ORAI2: variants seen among roughly 807,000 people sequenced by gnomAD.
ORAI2 encodes the protein protein orai-2.
A neutral mutation model predicts 16.2 loss-of-function variants in ORAI2; 10 were observed. The observed-to-expected ratio is 0.62, with a 90% CI of 0.38 to 1.04. ORAI2 has a LOEUF of 1.04. Ranked by LOEUF, ORAI2 falls within the 50% of genes least tolerant of loss-of-function variation. ORAI2 has a pLI of 0.01. For synonymous variants in ORAI2, 150 were observed against 157.5 expected (o/e 0.95, Z 0.35); for missense variants, 238 against 355.5 (o/e 0.67, Z 2.66).
chr7:102,453,930 T>C lies in ORAI2; in HGVS notation c.*6878T>C, dbSNP rs1190987707. ...TTTTAGTAGAGACGGGGTTTTGCCA[T>C]GTTGGCCAGGCTGGTCTTGAACTCC... On this transcript the variant is annotated 3_prime_UTR_variant, in exon 4 of 4. Coordinates refer to ENST00000495936, the MANE Select transcript of ORAI2 (RefSeq NM_001126340.3). 6.6e-6 allele frequency: 1 copy of C among 152,004 alleles called. No individual in the cohort carries two copies. The highest frequency in any genetic ancestry group is 2.1e-4 in the South Asian group (1 of 4,818). The allele number at this position is 152,004 out of a possible 1,614,324, so 9.4% of individuals were successfully genotyped here. A position where few individuals can be genotyped will look rare whatever the true frequency, so the allele number is the denominator to read the frequency against.
intron 3 of ORAI2, among the ~76,000 whole-genome samples, chr7:102,444,496 GCC>G (rs546615558): frequency 5.4e-5 from 3 of 55,764 alleles, no homozygotes; most frequent in Admixed American, 1.8e-4. Context: ...CAAGTGATCC[GCC>G]CCCCCCCGCC....
At chr7:102,440,641 C>A (rs971361410) in intron 3 of ORAI2, among the ~76,000 whole-genome samples, 3 of 150,884 alleles carry the variant, frequency 2.0e-5, no homozygotes, top group South Asian at 2.1e-4. Flanking sequence ...CTCAAGCCAT[C>A]CTCCTGCCTC....
At chr7:102,435,302 C>T (rs967342449) in intron 1 of ORAI2, among the ~76,000 whole-genome samples, 4 of 152,186 alleles carry the variant, frequency 2.6e-5, no homozygotes, top group African/African-American at 9.7e-5. Context: ...CAGCGTCTTA[C>T]TCTGTTGCCT....
At position 102,452,164 on chromosome 7, in the gene ORAI2, T is replaced by A. The variant is rs1335222173; in HGVS notation, c.*5112T>A. ...TTTTTTTTTTTTGAGACAGAGTCGC[T>A]CTGTCACCCAAGCTGGAATGCGGTG... is the stretch of plus-strand genomic sequence containing the variant. On this transcript the variant is annotated 3_prime_UTR_variant, in exon 4 of 4. Transcript: ENST00000495936. The A allele has an allele frequency of 1.3e-5, 2 of 150,862 alleles. No individual in the cohort carries two copies. The highest frequency in any genetic ancestry group is 4.9e-5 in the African/African-American group (2 of 40,914). 9.3% of individuals were successfully genotyped at this position (150,862 alleles called of 1,614,324 possible).
In ORAI2 at chr7:102,456,795, G is replaced by A. The variant is rs1797661312; in HGVS notation, c.*9743G>A. ...GATATCGGGAAACCCCATGAAAATA[G>A]ATGCATAATAAAGGTGAAAATCATT... On this transcript the variant is annotated 3_prime_UTR_variant, in exon 4 of 4. Coordinates refer to ENST00000495936, the MANE Select transcript of ORAI2 (RefSeq NM_001126340.3). 6.6e-6 allele frequency: 1 copy of A among 151,900 alleles called. No individual in the cohort carries two copies. Among genetic ancestry groups the A allele is most frequent in the African/African-American group, 2.4e-5 (1 of 41,308 alleles). 9.4% of individuals were successfully genotyped at this position (151,900 alleles called of 1,614,324 possible). A position where few individuals can be genotyped will look rare whatever the true frequency, so the allele number is the denominator to read the frequency against.
At position 102,449,782 on chromosome 7, in the gene ORAI2, G is replaced by A. The variant is rs1797477958; in HGVS notation, c.*2730G>A. On this transcript the variant is annotated 3_prime_UTR_variant, in exon 4 of 4. Transcript: ENST00000495936. The stretch of plus-strand genomic sequence containing the variant: ...TAGTTCCAGCTACTTGGGAGGCTGA[G>A]GTGGGAGGATTGCTTGAGCCTGGGA... 1 of 152,334 alleles carries A rather than the reference G, an allele frequency of 6.6e-6. No homozygotes were observed. The allele number at this position is 152,334 out of a possible 1,614,324, so 9.4% of individuals were successfully genotyped here. A position where few individuals can be genotyped will look rare whatever the true frequency, so the allele number is the denominator to read the frequency against.
In ORAI2 at chr7:102,449,405, A is replaced by T. The variant is rs541817933; in HGVS notation, c.*2353A>T. ...ATAGCGAGACCCCATGTCTAAAAAA[A>T]TTATTTTAAATTAGCCAGGCCGGGT... is the stretch of plus-strand genomic sequence containing the variant. On this transcript the variant is annotated 3_prime_UTR_variant, in exon 4 of 4. Transcript: ENST00000495936. 1 of 152,020 alleles carries T rather than the reference A, an allele frequency of 6.6e-6. No individual in the cohort carries two copies. The highest frequency in any genetic ancestry group is 2.1e-4 in the South Asian group (1 of 4,812). 9.4% of individuals were successfully genotyped at this position (152,020 alleles called of 1,614,324 possible). A position where few individuals can be genotyped will look rare whatever the true frequency, so the allele number is the denominator to read the frequency against.
In ORAI2 at chr7:102,451,399, A is replaced by T. The variant is rs1046770188; in HGVS notation, c.*4347A>T. 3.9e-5 allele frequency: 6 copies of T among 152,018 alleles called. No homozygotes were observed. 9.4% of individuals were successfully genotyped at this position (152,018 alleles called of 1,614,324 possible). ...CTGGTTTAGAAACTTGGAAGGCGGA[A>T]TGTGTTTTCGTGTCTTCTAGGAAGG... On this transcript the variant is annotated 3_prime_UTR_variant, in exon 4 of 4. Transcript: ENST00000495936.
chr7:102,445,164 C>CATGCCTCCTTTCCACCGTT (rs1563637715), intron 3 of ORAI2, among the ~76,000 whole-genome samples: 1 of 151,610 alleles, frequency 6.6e-6, no homozygotes. Flanking sequence ...GATGCCGGCT[C>CATGCCTCCTTTCCACCGTT]TCACTGGGCT....
At chr7:102,441,546 A>G (rs1797199949) in intron 3 of ORAI2, among the ~76,000 whole-genome samples, 1 of 151,680 alleles carries the variant, frequency 6.6e-6, no homozygotes, top group African/African-American at 2.4e-5. Flanking sequence ...CTCAAAAAAA[A>G]AAAAAAGAAA....
chr7:102,444,997 C>A (rs1399854924), intron 3 of ORAI2, among the ~76,000 whole-genome samples: 1 of 96,580 alleles, frequency 1.0e-5, no homozygotes, highest in Non-Finnish European at 1.9e-5. Context: ...CAAGCAGAGC[C>A]TGCCGTTCCT....
intron 3 of ORAI2, among the ~76,000 whole-genome samples, chr7:102,441,360 T>C (rs906722235): frequency 6.6e-6 from 1 of 150,498 alleles, no homozygotes; most frequent in Non-Finnish European, 1.5e-5. Context: ...GCCAACATGG[T>C]GACACCCCGT....
Position 102,447,335 on chromosome 7 carries a change from C to T in ORAI2, c.*283C>T, listed in dbSNP as rs878882641. The T allele has an allele frequency of 8.9e-6, 4 of 448,904 alleles. No individual in the cohort carries two copies. The highest frequency in any genetic ancestry group is 6.0e-4 in the Middle Eastern group (1 of 1,678). 27.8% of individuals were successfully genotyped at this position (448,904 alleles called of 1,614,324 possible). ...TGAAGAGGCTCCAGCGGGACCTGCC[C>T]ATCAGTCCTGGGCCAGGAGGGGCTC... On this transcript the variant is annotated 3_prime_UTR_variant, in exon 4 of 4. Transcript: ENST00000495936.
In ORAI2 at chr7:102,452,588, G is replaced by C. The variant is rs1797554217; in HGVS notation, c.*5536G>C. On this transcript the variant is annotated 3_prime_UTR_variant, in exon 4 of 4. Transcript: ENST00000495936. ...AAGTAGCTACACTTGGGAGACTACGGGCGCACACTACCATGCCCAGCTAAT... is the reference window on the plus strand; with the variant it reads ...AAGTAGCTACACTTGGGAGACTACGCGCGCACACTACCATGCCCAGCTAAT... 1 of 151,926 alleles carries C rather than the reference G, an allele frequency of 6.6e-6. No individual in the cohort carries two copies. Among genetic ancestry groups the C allele is most frequent in the Non-Finnish European group, 1.5e-5 (1 of 68,024 alleles). 9.4% of individuals were successfully genotyped at this position (151,926 alleles called of 1,614,324 possible). A position where few individuals can be genotyped will look rare whatever the true frequency, so the allele number is the denominator to read the frequency against.
rs1310162035 is a variant in ORAI2 at position 102,448,302 on chromosome 7, C to T, written c.*1250C>T. On this transcript the variant is annotated 3_prime_UTR_variant, in exon 4 of 4. Coordinates refer to ENST00000495936, the MANE Select transcript of ORAI2 (RefSeq NM_001126340.3). ...CCCGAAGCCACGCTCTCGGGCCGCACATGCACGCCGCAGCACCAGCTGCCC... is the reference window on the plus strand; with the variant it reads ...CCCGAAGCCACGCTCTCGGGCCGCATATGCACGCCGCAGCACCAGCTGCCC... The T allele has an allele frequency of 1.3e-5, 2 of 152,348 alleles. No homozygotes were observed. Among genetic ancestry groups the T allele is most frequent in the East Asian group, 3.8e-4 (2 of 5,198 alleles). 9.4% of individuals were successfully genotyped at this position (152,348 alleles called of 1,614,324 possible).
chr7:102,438,061 A>T (rs888482046), intron 2 of ORAI2, among the ~76,000 whole-genome samples: 1 of 151,354 alleles, frequency 6.6e-6, no homozygotes, highest in Admixed American at 6.6e-5. Flanking sequence ...TTTTTAAAAA[A>T]AGTAGGCTGG....
In ORAI2 at chr7:102,456,665, T is replaced by A. The variant is rs754865704; in HGVS notation, c.*9613T>A. 6.6e-6 allele frequency: 1 copy of A among 152,238 alleles called. No individual in the cohort carries two copies. The highest frequency in any genetic ancestry group is 1.5e-5 in the Non-Finnish European group (1 of 68,052). 9.4% of individuals were successfully genotyped at this position (152,238 alleles called of 1,614,324 possible). A position where few individuals can be genotyped will look rare whatever the true frequency, so the allele number is the denominator to read the frequency against. On this transcript the variant is annotated 3_prime_UTR_variant, in exon 4 of 4. Transcript: ENST00000495936. ...TGGGGGTGTCAAGCATGAGTCAGGC[T>A]GAGCCTGACTCTGAAGCTGTTCCCA...
At chr7:102,443,098 CTT>C (rs1797251504) in intron 3 of ORAI2, among the ~76,000 whole-genome samples, 1 of 19,354 alleles carries the variant, frequency 5.2e-5, no homozygotes, top group Non-Finnish European at 2.3e-4. Flanking sequence ...TTTTCTTCTT[CTT>C]CTTCTTCTTC....
intron 3 of ORAI2, among the ~76,000 whole-genome samples, chr7:102,446,039 C>T (rs943060490): frequency 6.6e-6 from 1 of 152,242 alleles, no homozygotes; most frequent in Non-Finnish European, 1.5e-5. Context: ...ACCTCCACCT[C>T]CCAGGTTCAA....
Sources: allele counts gnomAD v4.1 joint callset (sites outside exome capture counted in the v4.1 genomes callset), GRCh38; gene constraint gnomAD v4.1.1; transcripts MANE v1.5; gene names NCBI Gene and HGNC (gene_info 2026-07-23, HGNC 2026-07-21).